The following PLCH2 variants were observed in gnomAD, a reference collection of about 807,000 sequenced individuals.
PLCH2 encodes phospholipase C eta 2, also known as 1-phosphatidylinositol 4,5-bisphosphate phosphodiesterase eta-2.
In PLCH2, 98 loss-of-function variants were observed where a neutral mutation model predicts 134.7. That is an observed-to-expected ratio of 0.73 (90% confidence interval 0.62 to 0.86). The LOEUF (loss-of-function observed/expected upper bound fraction) is 0.86. Among genes scored for constraint, PLCH2 ranks in the 40% least tolerant of loss-of-function variants. The pLI, the probability that PLCH2 is intolerant of heterozygous loss-of-function variation, is 0.00. For synonymous variants in PLCH2, 974 were observed against 827.5 expected (o/e 1.18, Z -3.04); for missense variants, 1,994 against 1,986.6 (o/e 1.00, Z -0.07).
upstream of PLCH2, among the ~76,000 whole-genome samples, chr1:2,425,210 GCATGCACACACACA>G (rs1249737255): frequency 3.3e-5 from 5 of 150,350 alleles, no homozygotes; most frequent in Non-Finnish European, 7.4e-5. Flanking sequence ...TTGCTTGGGC[GCATGCACACACACA>G]CATATTTACA....
chr1:2,441,122 G>A (rs1298837413), intron 2 of PLCH2, among the ~76,000 whole-genome samples: 2 of 152,164 alleles, frequency 1.3e-5, no homozygotes, highest in African/African-American at 4.8e-5. Context: ...GGCTCCAGGT[G>A]GTCTCTAAGC....
intron 2 of PLCH2, among the ~76,000 whole-genome samples, chr1:2,452,461 C>G (rs1352661888): frequency 5.3e-5 from 8 of 152,148 alleles, no homozygotes. Flanking sequence ...CTGGCCCTCC[C>G]TGCCTGTTCC....
chr1:2,418,398 A>G, the PLCH2 span, among the ~76,000 whole-genome samples: 1 of 151,834 alleles, frequency 6.6e-6, no homozygotes, highest in Non-Finnish European at 1.5e-5. Flanking sequence ...TCCTGCAGCG[A>G]GCTCTGGGGG....
intron 1 of PLCH2, among the ~76,000 whole-genome samples, chr1:2,428,000 T>C (rs1445369824): frequency 6.6e-6 from 1 of 152,150 alleles, no homozygotes; most frequent in African/African-American, 2.4e-5. Context: ...TAGAGGAAGA[T>C]CTGCTGGTCT....
upstream of PLCH2, among the ~76,000 whole-genome samples, chr1:2,421,032 C>T (rs1276619831): frequency 6.6e-6 from 1 of 151,072 alleles, no homozygotes; most frequent in East Asian, 1.9e-4. Context: ...GCAACCTCTG[C>T]TTCCCGGGTT....
rs564912266 is a variant in PLCH2, at chr1:2,435,834, G to A, written c.115+5205G>A. 3.3e-5 allele frequency among the ~76,000 whole-genome samples: 5 copies of A among 152,074 alleles called. No homozygotes were observed. In the East Asian group the frequency reaches 9.7e-4, roughly 30 times the overall value. The stretch of plus-strand genomic sequence containing the variant: ...GCCCCCACACCTGGGGGGCTCAGCT[G>A]GGAACACCTGGTCTGTCCAGTGTGG... On this transcript the variant is annotated intron_variant, in intron 2 of 3. Transcript: ENST00000609981.
intron 5 of PLCH2, among the ~76,000 whole-genome samples, chr1:2,485,174 A>C (rs1307445053): frequency 6.6e-6 from 1 of 152,202 alleles, no homozygotes; most frequent in African/African-American, 2.4e-5. Flanking sequence ...CCCTTTATCT[A>C]GACCCCAAGA....
chr1:2,418,311 G>A, the PLCH2 span, among the ~76,000 whole-genome samples: 1 of 152,246 alleles, frequency 6.6e-6, no homozygotes, highest in Non-Finnish European at 1.5e-5. Flanking sequence ...CAGTTAGACC[G>A]AGAGAGACAG....
At chr1:2,427,402 G>A (rs960725337) in intron 1 of PLCH2, among the ~76,000 whole-genome samples, 3 of 152,212 alleles carry the variant, frequency 2.0e-5, no homozygotes, top group Non-Finnish European at 4.4e-5. Context: ...TGGTTTCTCC[G>A]GGATAGGGTC....
intron 2 of PLCH2, among the ~76,000 whole-genome samples, chr1:2,431,147 C>CGT (rs147662084): frequency 1.1e-3 from 165 of 151,272 alleles, no homozygotes; most frequent in African/African-American, 3.8e-3. Context: ...TGTGCGTGTG[C>CGT]GTGTGTGTGT....
At chr1:2,486,541 G>T (rs1212716665) in intron 5 of PLCH2, among the ~76,000 whole-genome samples, 1 of 152,214 alleles carries the variant, frequency 6.6e-6, no homozygotes, top group Non-Finnish European at 1.5e-5. Context: ...GGATGAGGGG[G>T]CTGCCTGTGC....
chr1:2,436,368 T>C (rs1475541507), intron 2 of PLCH2, among the ~76,000 whole-genome samples: 2 of 47,588 alleles, frequency 4.2e-5, no homozygotes, highest in African/African-American at 1.3e-4. Context: ...CCCTCCTCCC[T>C]TCCTCCCTCC....
intron 2 of PLCH2, among the ~76,000 whole-genome samples, chr1:2,452,596 G>A (rs370980051): frequency 1.1e-4 from 17 of 152,322 alleles, no homozygotes; most frequent in African/African-American, 1.4e-4. Flanking sequence ...CAAATGCACC[G>A]TTCACTCCAC....
intron 4 of PLCH2, among the ~76,000 whole-genome samples, chr1:2,481,324 G>T (rs1162132795): frequency 6.6e-6 from 1 of 152,270 alleles, no homozygotes; most frequent in Admixed American, 6.5e-5. Context: ...GAAGGCCCCA[G>T]TGGGGACACA....
intron 4 of PLCH2, among the ~76,000 whole-genome samples, chr1:2,481,518 C>G (rs1036689388): frequency 6.6e-6 from 1 of 152,240 alleles, no homozygotes; most frequent in African/African-American, 2.4e-5. Context: ...AGGGTGCAGG[C>G]TCCAGAGTGG....
chr1:2,498,628 T>G lies in PLCH2; in HGVS notation c.2330T>G (p.Met777Arg). 10 of 1,381,324 alleles carry G rather than the reference T, an allele frequency of 7.2e-6. No individual in the cohort carries two copies. Among genetic ancestry groups the G allele is most frequent in the Non-Finnish European group, 9.6e-6 (10 of 1,043,926 alleles). 85.6% of individuals were successfully genotyped at this position (1,381,324 alleles called of 1,614,324 possible). ...GQQLPKPRDS[M>R]LGDRGEIIDP... Reference sequence around the variant, plus strand: ...CAGCTTCCCAAGCCGCGCGACTCCATGCTGGGGGACCGTGGGGAGGTGGGG... The same window carrying G: ...CAGCTTCCCAAGCCGCGCGACTCCAGGCTGGGGGACCGTGGGGAGGTGGGG... Residue 777 changes from methionine to arginine, a missense_variant, in exon 17 of 22, where the codon ATG (methionine) becomes AGG (arginine). Physicochemically the swap from Met to Arg is moderately conservative, Grantham distance 91. Transcript: ENST00000378486. This position sits in a 1 kb window ranked among gnomAD's most constrained non-coding sequence, Gnocchi z 5.4.
intron 2 of PLCH2, chr1:2,479,498 C>A (rs565143226): frequency 3.0e-5 from 15 of 491,826 alleles, no homozygotes; most frequent in Admixed American, 1.0e-4. Flanking sequence ...CTCGTGGGGG[C>A]GTGTCTTTTC....
intron 2 of PLCH2, among the ~76,000 whole-genome samples, chr1:2,437,936 G>A (rs80047719): frequency 0.072 from 10,959 of 152,260 alleles, 561 homozygotes; most frequent in Admixed American, 0.13. Context: ...CTTTGGCCTC[G>A]AAGGCCTTCC....
intron 19 of PLCH2, 28 bp downstream of exon 19, chr1:2,499,258 C>G (rs1558032278): frequency 6.2e-7 from 1 of 1,610,514 alleles, no homozygotes; most frequent in Non-Finnish European, 8.5e-7. Flanking sequence ...CGGTGCCCCC[C>G]ACACTGGCCG....
Sources: allele counts gnomAD v4.1 joint callset (sites outside exome capture counted in the v4.1 genomes callset), GRCh38; gene constraint gnomAD v4.1.1; non-coding constraint Gnocchi (gnomAD v3.1); transcripts MANE v1.5; gene names NCBI Gene and HGNC (gene_info 2026-07-23, HGNC 2026-07-21).